NDC1: variants seen among roughly 807,000 people sequenced by gnomAD.
NDC1 encodes the protein nucleoporin NDC1.
NDC1 carries 24 observed loss-of-function variants against 89.8 expected under a neutral mutation model. The ratio of observed to expected loss-of-function variants is 0.27; its 90% CI spans 0.19 to 0.38. NDC1 has a LOEUF of 0.38. Among genes scored for constraint, NDC1 ranks in the 10% least tolerant of loss-of-function variants. The pLI is 1.00. For synonymous variants in NDC1, 296 were observed against 284.8 expected, an observed-to-expected ratio of 1.04 and a Z score of -0.39; for missense variants, 728 against 797.6, an observed-to-expected ratio of 0.91 and a Z score of 1.05.
chr1:53,837,744 G>A (rs1649284379), intron 1 of NDC1, among the ~76,000 whole-genome samples: 2 of 152,178 alleles, frequency 1.3e-5, no homozygotes, highest in South Asian at 2.1e-4. Context: ...TAAGGAGGAA[G>A]TACTATTCCA....
At chr1:53,810,327 G>A (rs1184763102) in intron 6 of NDC1, among the ~76,000 whole-genome samples, 2 of 151,854 alleles carry the variant, frequency 1.3e-5, no homozygotes, top group African/African-American at 4.8e-5. Context: ...TACTAAAAGG[G>A]GAATTGCGCA....
chr1:53,816,518 A>G (rs1425890140), intron 6 of NDC1, among the ~76,000 whole-genome samples: 1 of 152,136 alleles, frequency 6.6e-6, no homozygotes, highest in Non-Finnish European at 1.5e-5. Context: ...ATTGAAAAAA[A>G]CCCTTCTAGA....
At chr1:53,836,217 G>T (rs570946295) in intron 1 of NDC1, among the ~76,000 whole-genome samples, 1 of 152,158 alleles carries the variant, frequency 6.6e-6, no homozygotes, top group South Asian at 2.1e-4. Context: ...GTTGGGACAC[G>T]AACCAAACCA....
At chr1:53,776,805 T>A (rs1427087549) in intron 16 of NDC1, among the ~76,000 whole-genome samples, 1 of 152,224 alleles carries the variant, frequency 6.6e-6, no homozygotes, top group Non-Finnish European at 1.5e-5. Context: ...TAGCTTTTCA[T>A]GAAAAATCAT....
chr1:53,773,989 T>A lies in NDC1; in HGVS notation c.1801-1500A>T, dbSNP rs115033348. 7.2e-3 allele frequency among the ~76,000 whole-genome samples: 1,089 copies of A among 152,286 alleles called. 11 individuals are homozygous for A. Among genetic ancestry groups the A allele is most frequent in the African/African-American group, 0.025 (1,044 of 41,562 alleles). ...TGTCCCTTCACGCGTGGTTCTAGAG[T>A]TACTTGGTGCTTCTCCCACCACCAA... On this transcript the variant is annotated intron_variant, in intron 16 of 17. Transcript: ENST00000371429.
At chr1:53,792,132 CAG>C (rs1360866874) in intron 14 of NDC1, among the ~76,000 whole-genome samples, 2 of 152,062 alleles carry the variant, frequency 1.3e-5, no homozygotes, top group Non-Finnish European at 2.9e-5. Flanking sequence ...TTAGTAGAGA[CAG>C]GGTTTCACCG....
intron 14 of NDC1, among the ~76,000 whole-genome samples, chr1:53,790,812 T>C (rs2100643299): frequency 6.6e-6 from 1 of 152,320 alleles, no homozygotes; most frequent in South Asian, 2.1e-4. Context: ...CGCCTAACCT[T>C]CACGTAAAAA....
rs554890204 is a variant in NDC1, at chr1:53,778,985, T to C, written c.1801-6496A>G. 1.1e-3 allele frequency among the ~76,000 whole-genome samples: 164 copies of C among 151,914 alleles called. 1 individual carries two copies. The highest frequency in any genetic ancestry group is 3.3e-3 in the African/African-American group (136 of 41,466). On this transcript the variant is annotated intron_variant, in intron 16 of 17. Coordinates refer to ENST00000371429, the MANE Select transcript of NDC1 (RefSeq NM_018087.5). The stretch of plus-strand genomic sequence containing the variant: ...GGCAAGAACCTGTCTCTACTAAAAA[T>C]ACAAAAAAATTATTGGGCATAGTGG...
At position 53,796,974 on chromosome 1, in the gene NDC1, C is replaced by G. The variant is rs531070097; in HGVS notation, c.1393G>C (p.Val465Leu). The G allele has an allele frequency of 1.3e-5, 21 of 1,614,178 alleles. No individual in the cohort carries two copies. The South Asian group carries it at 2.1e-4, about 16-fold the overall frequency. Reference protein sequence around the residue: ...VMNRMAGIFDVNTCYGSPQSP... With the variant: ...VMNRMAGIFDLNTCYGSPQSP... ...TGCGGTGACCCATAGCAGGTGTTTA[C>G]ATCAAAAATTCCAGCCATCCGATTC... Residue 465 changes from valine to leucine, a missense_variant, in exon 12 of 18, where the codon GTA (valine) becomes CTA (leucine). By Grantham distance (32) the Val-to-Leu change is conservative. Transcript: ENST00000371429.
At chr1:53,817,423 G>A (rs2100677388) in intron 6 of NDC1, among the ~76,000 whole-genome samples, 1 of 152,296 alleles carries the variant, frequency 6.6e-6, no homozygotes, top group Admixed American at 6.5e-5. Context: ...ACTGATACGT[G>A]GGAGCTAAAC....
At chr1:53,822,386 A>AAT (rs1035442318) in intron 5 of NDC1, among the ~76,000 whole-genome samples, 2 of 152,154 alleles carry the variant, frequency 1.3e-5, no homozygotes, top group African/African-American at 4.8e-5. Flanking sequence ...GTTACTGAAT[A>AAT]ATATATATAA....
At position 53,797,049 on chromosome 1, in the gene NDC1, T is replaced by C. The variant is rs772397728; in HGVS notation, c.1318A>G (p.Thr440Ala). ...KTSLFSSKLS[T>A]PDVVSPFGTP... is the part of the protein sequence containing the mutation. ...CCAAATGGGCTCACAACATCAGGTG[T>C]AGATAATTTTGAAGAAAACAGTGAT... is the stretch of plus-strand genomic sequence containing the variant. Residue 440 changes from threonine to alanine, a missense_variant, in exon 12 of 18, where the codon ACA becomes GCA. Transcript: ENST00000371429. 8 of 1,613,922 alleles carry C rather than the reference T, an allele frequency of 5.0e-6. No individual in the cohort carries two copies. In the Admixed American group the frequency reaches 5.0e-5, roughly 10 times the overall value.
chr1:53,833,066 C>A (rs186349638), intron 2 of NDC1, among the ~76,000 whole-genome samples: 43 of 152,214 alleles, frequency 2.8e-4, no homozygotes, highest in Admixed American at 1.6e-3. Flanking sequence ...TCGTACCTGG[C>A]CCCAGGTACT....
intron 16 of NDC1, among the ~76,000 whole-genome samples, chr1:53,785,739 A>G (rs1291498017): frequency 6.6e-6 from 1 of 151,830 alleles, no homozygotes; most frequent in Non-Finnish European, 1.5e-5. Flanking sequence ...CACCTCGCTA[A>G]TTTTTTAAAA....
intron 17 of NDC1, among the ~76,000 whole-genome samples, chr1:53,769,691 A>G (rs912575126): frequency 1.3e-5 from 2 of 152,232 alleles, no homozygotes; most frequent in African/African-American, 2.4e-5. Context: ...ATATTATACA[A>G]TAAGTATCAT....
intron 6 of NDC1, among the ~76,000 whole-genome samples, chr1:53,816,979 A>G (rs764793094): frequency 4.1e-4 from 63 of 152,236 alleles, no homozygotes; most frequent in Admixed American, 4.1e-3. Flanking sequence ...ATAATCAAAA[A>G]ATCAAAAAAC....
At chr1:53,812,082 C>T (rs559043512) in intron 6 of NDC1, among the ~76,000 whole-genome samples, 59 of 152,306 alleles carry the variant, frequency 3.9e-4, no homozygotes, top group African/African-American at 1.3e-3. Flanking sequence ...AAAGGAACAC[C>T]TCGTGGGACA....
chr1:53,838,150 C>A (rs1248695976), intron 1 of NDC1, 55 bp downstream of exon 1: 9 of 1,504,908 alleles, frequency 6.0e-6, no homozygotes, highest in Non-Finnish European at 8.0e-6. Context: ...GCGATCAGAG[C>A]TTGCCCGCCC....
intron 10 of NDC1, among the ~76,000 whole-genome samples, chr1:53,802,877 T>A (rs1319568253): frequency 6.6e-6 from 1 of 152,150 alleles, no homozygotes; most frequent in Non-Finnish European, 1.5e-5. Flanking sequence ...CTTCCTAATT[T>A]TTTTTTAAAA....
Sources: gnomAD v4.1 joint callset for allele counts (sites outside exome capture counted in the v4.1 genomes callset) on GRCh38, gnomAD v4.1.1 for gene constraint, MANE v1.5 for transcripts, NCBI Gene and HGNC (gene_info 2026-07-23, HGNC 2026-07-21) for gene names.